Variants in ADD2 observed in about 807,000 individuals in gnomAD.
ADD2 encodes the protein adducin 2.
ADD2 carries 23 observed loss-of-function variants against 83.0 expected under a neutral mutation model. That is an observed-to-expected ratio of 0.28 (90% CI 0.20 to 0.39). The LOEUF (loss-of-function observed/expected upper bound fraction) is 0.39. Among genes scored for constraint, ADD2 ranks in the 10% least tolerant of loss-of-function variants. ADD2 has a pLI of 1.00. For missense variants in ADD2, 758 were observed against 944.9 expected (o/e 0.80, Z 2.59); for synonymous variants, 375 against 375.4 (o/e 1.00, Z 0.01).
intron 5 of ADD2, 64 bp from the exon 6 acceptor site, chr2:70,695,865 G>C: frequency 1.4e-6 from 2 of 1,400,034 alleles, no homozygotes; most frequent in Non-Finnish European, 2.0e-6. Context: ...AGGACACTGT[G>C]CTTGAATCCC....
intron 1 of ADD2, among the ~76,000 whole-genome samples, chr2:70,715,044 C>T (rs1034098693): frequency 3.3e-5 from 5 of 152,174 alleles, no homozygotes; most frequent in East Asian, 1.9e-4. Flanking sequence ...TATGGTGTTA[C>T]GCCCTAATTA....
chr2:70,724,932 C>T (rs1019383568), intron 1 of ADD2, among the ~76,000 whole-genome samples: 1 of 152,180 alleles, frequency 6.6e-6, no homozygotes, highest in Non-Finnish European at 1.5e-5. Flanking sequence ...GAACAAAGGC[C>T]CCTGATGCCA....
chr2:70,696,176 G>A (rs1446635368), intron 5 of ADD2, 69 bp downstream of exon 5: 4 of 1,557,742 alleles, frequency 2.6e-6, no homozygotes, highest in Non-Finnish European at 3.5e-6. Context: ...CCAAGGGTCA[G>A]GAGTTCTCCC....
chr2:70,744,640 C>G (rs782787931), intron 1 of ADD2, among the ~76,000 whole-genome samples: 2 of 152,150 alleles, frequency 1.3e-5, no homozygotes, highest in African/African-American at 4.8e-5. Flanking sequence ...CTATGAGATT[C>G]GAGCACAGAG....
chr2:70,761,225 TAC>T (rs1491013117), intron 1 of ADD2, among the ~76,000 whole-genome samples: 6 of 113,200 alleles, frequency 5.3e-5, no homozygotes, highest in African/African-American at 1.3e-4. Flanking sequence ...AAGCATGCAT[TAC>T]TTTTTTTTTT....
chr2:70,700,553 A>C (rs1671539493), intron 4 of ADD2, among the ~76,000 whole-genome samples: 1 of 152,130 alleles, frequency 6.6e-6, no homozygotes, highest in African/African-American at 2.4e-5. Flanking sequence ...ATAAATAACA[A>C]AATAGAAAAG....
chr2:70,686,697 TC>T (rs1282150862), intron 9 of ADD2, among the ~76,000 whole-genome samples: 2 of 152,108 alleles, frequency 1.3e-5, no homozygotes, highest in African/African-American at 4.8e-5. Context: ...ACCAGATTCT[TC>T]CACCAGTCAG....
intron 2 of ADD2, among the ~76,000 whole-genome samples, chr2:70,712,451 ATAAATAAAT>A (rs1558552114): frequency 7.9e-5 from 10 of 126,156 alleles, no homozygotes; most frequent in Admixed American, 1.5e-4. Context: ...CTCAAAAAAA[ATAAATAAAT>A]AAAAAAAAAA....
intron 3 of ADD2, among the ~76,000 whole-genome samples, chr2:70,705,882 T>C (rs1671860198): frequency 1.3e-5 from 2 of 152,290 alleles, no homozygotes; most frequent in South Asian, 4.1e-4. Context: ...TGCTGGTCTC[T>C]AGTTTACATG....
chr2:70,708,075 A>C (rs1428745670), intron 2 of ADD2, among the ~76,000 whole-genome samples: 1 of 152,210 alleles, frequency 6.6e-6, no homozygotes, highest in African/African-American at 2.4e-5. Flanking sequence ...CTTCTTCCAC[A>C]TTCTACCAGA....
At chr2:70,724,504 A>C (rs1672883048) in intron 1 of ADD2, among the ~76,000 whole-genome samples, 1 of 151,746 alleles carries the variant, frequency 6.6e-6, no homozygotes, top group African/African-American at 2.4e-5. Flanking sequence ...CCCGACACAC[A>C]CTATGCACGT....
At chr2:70,757,954 A>G (rs1674881763) in intron 1 of ADD2, among the ~76,000 whole-genome samples, 1 of 152,230 alleles carries the variant, frequency 6.6e-6, no homozygotes, top group South Asian at 2.1e-4. Context: ...TCCCTTCAAT[A>G]AAATGATTCA....
At position 70,663,281 on chromosome 2, in the gene ADD2, T is replaced by C. The variant is rs1004163724; in HGVS notation, c.*144A>G. 1 of 941,944 alleles carries C rather than the reference T, an allele frequency of 1.1e-6. No homozygotes were observed. The highest frequency in any genetic ancestry group is 2.5e-5 in the East Asian group (1 of 40,068). 58.3% of individuals were successfully genotyped at this position (941,944 alleles called of 1,614,324 possible). Reference sequence around the variant, plus strand: ...GGGCAACTGTAAAACGAAGGGTTGGTCGGGTGATCTCTAAGTTCCCCTTCC... The same window carrying C: ...GGGCAACTGTAAAACGAAGGGTTGGCCGGGTGATCTCTAAGTTCCCCTTCC... On this transcript the variant is annotated 3_prime_UTR_variant, in exon 16 of 16. Coordinates refer to ENST00000264436, the MANE Select transcript of ADD2 (RefSeq NM_001617.4).
chr2:70,738,326 A>G (rs1673694851), intron 1 of ADD2, among the ~76,000 whole-genome samples: 1 of 152,202 alleles, frequency 6.6e-6, no homozygotes, highest in Admixed American at 6.5e-5. Context: ...TTCAAAAATG[A>G]AGACTGACAA....
intron 12 of ADD2, 137 bp from the exon 13 acceptor site, chr2:70,677,022 TC>T: frequency 7.3e-7 from 1 of 1,373,288 alleles, no homozygotes; most frequent in Non-Finnish European, 9.6e-7. Flanking sequence ...CCTAATGCAA[TC>T]CTTGTACTTT....
At chr2:70,749,405 G>A (rs1419414885) in intron 1 of ADD2, among the ~76,000 whole-genome samples, 2 of 152,208 alleles carry the variant, frequency 1.3e-5, no homozygotes, top group African/African-American at 4.8e-5. Context: ...ACTCTCTTGT[G>A]AAGGACAGTT....
chr2:70,713,904 C>T (rs896658279), intron 1 of ADD2, among the ~76,000 whole-genome samples: 16 of 152,098 alleles, frequency 1.1e-4, no homozygotes, highest in African/African-American at 2.4e-4. Context: ...CAGCCCAAGA[C>T]GCAGAAGCAG....
At chr2:70,729,181 C>G (rs1315453311) in intron 1 of ADD2, among the ~76,000 whole-genome samples, 1 of 152,226 alleles carries the variant, frequency 6.6e-6, no homozygotes, top group African/African-American at 2.4e-5. Flanking sequence ...CTCCTTCCCT[C>G]ATGCACTGTC....
intron 2 of ADD2, among the ~76,000 whole-genome samples, chr2:70,707,040 C>T (rs1671942014): frequency 6.6e-6 from 1 of 152,240 alleles, no homozygotes; most frequent in Non-Finnish European, 1.5e-5. Flanking sequence ...AAGAATACTA[C>T]TATTAAACAG....
Sources: allele counts gnomAD v4.1 joint callset (sites outside exome capture counted in the v4.1 genomes callset), GRCh38; gene constraint gnomAD v4.1.1; transcripts MANE v1.5; gene names NCBI Gene and HGNC (gene_info 2026-07-23, HGNC 2026-07-21).